The following RABGAP1 variants were observed in gnomAD, a reference collection of about 807,000 sequenced individuals.
RABGAP1 encodes RAB GTPase activating protein 1, also known as rab GTPase-activating protein 1.
A neutral mutation model predicts 137.6 loss-of-function variants in RABGAP1; 23 were observed. That is an observed-to-expected ratio of 0.17 (90% CI 0.12 to 0.24). The LOEUF is 0.24. RABGAP1 is among the 10% of genes least tolerant of loss of function. The probability of loss-of-function intolerance (pLI) is 1.00; values close to 1 mark genes in which losing one functional copy is unlikely to be tolerated. For missense variants in RABGAP1, 906 were observed against 1,275.8 expected, an observed-to-expected ratio of 0.71 and a Z score of 4.42; for synonymous variants, 451 against 450.7, an observed-to-expected ratio of 1.00 and a Z score of -0.01.
chr9:123,101,843 T>C, intron 25 of RABGAP1, 80 bp downstream of exon 25: 1 of 1,404,092 alleles, frequency 7.1e-7, no homozygotes, highest in Non-Finnish European at 9.4e-7. Context: ...ATTATCTTTA[T>C]GGTTTGGGGT....
At chr9:122,940,780 A>C (rs1833495449), upstream of RABGAP1, 1 of 152,740 alleles carries the variant, frequency 6.5e-6, no homozygotes. Context: ...AACTCCAAAT[A>C]CACAAGACAG....
At chr9:123,071,209 A>G (rs2034345135) in intron 15 of RABGAP1, among the ~76,000 whole-genome samples, 1 of 152,134 alleles carries the variant, frequency 6.6e-6, no homozygotes, top group African/African-American at 2.4e-5. Flanking sequence ...CCAATTGTCT[A>G]CTCCATAGAA....
At chr9:123,022,548 A>G (rs1301140132) in intron 13 of RABGAP1, among the ~76,000 whole-genome samples, 1 of 151,978 alleles carries the variant, frequency 6.6e-6, no homozygotes, top group African/African-American at 2.4e-5. Flanking sequence ...GTGGGATTAC[A>G]GGCACCTGCC....
At chr9:122,934,177 A>T in the RABGAP1 span, among the ~76,000 whole-genome samples, 190 of 150,014 alleles carry the variant, frequency 1.3e-3, no homozygotes, top group African/African-American at 4.3e-3. Flanking sequence ...TCCCGGGTTC[A>T]CGCCATTCTC....
At chr9:123,020,569 G>T in intron 13 of RABGAP1, 110 bp downstream of exon 13, 1 of 1,086,448 alleles carries the variant, frequency 9.2e-7, no homozygotes, top group Non-Finnish European at 1.2e-6. Context: ...ATTTATTTAA[G>T]AATAGAACTG....
chr9:123,101,551 A>G lies in RABGAP1; in HGVS notation c.2890-15A>G, dbSNP rs1251500785. ...TCCTCTTCTTTGCCTCTTCACATCT[A>G]ACATTCAATTTCAGCAAAAAGTGGA... On this transcript the variant is annotated splice_polypyrimidine_tract_variant and intron_variant, in intron 24 of 25. Coordinates refer to ENST00000373647, the MANE Select transcript of RABGAP1 (RefSeq NM_012197.4). 2.5e-6 allele frequency: 4 copies of G among 1,611,286 alleles called. No homozygotes were observed. The South Asian group carries it at 3.3e-5, about 13-fold the overall frequency.
intron 13 of RABGAP1, among the ~76,000 whole-genome samples, chr9:123,041,143 G>A (rs1201973528): frequency 6.6e-6 from 1 of 152,128 alleles, no homozygotes; most frequent in Non-Finnish European, 1.5e-5. Flanking sequence ...TGTTTCAGGA[G>A]AATTTTATAA....
chr9:122,978,584 A>C (rs988584996), intron 2 of RABGAP1, among the ~76,000 whole-genome samples: 4 of 152,164 alleles, frequency 2.6e-5, no homozygotes, highest in African/African-American at 9.7e-5. Context: ...GCAGTGAGCT[A>C]TGATCGTGCC....
intron 11 of RABGAP1, among the ~76,000 whole-genome samples, chr9:123,012,715 C>T (rs1239045095): frequency 6.6e-6 from 1 of 152,134 alleles, no homozygotes; most frequent in Non-Finnish European, 1.5e-5. Context: ...TGTTCCCTAG[C>T]GTATACCACA....
At chr9:122,965,790 T>G (rs1835114755) in intron 2 of RABGAP1, among the ~76,000 whole-genome samples, 1 of 152,192 alleles carries the variant, frequency 6.6e-6, no homozygotes, top group African/African-American at 2.4e-5. Flanking sequence ...ATGAATGAAT[T>G]GTGTGGTTTA....
upstream of RABGAP1, among the ~76,000 whole-genome samples, chr9:122,936,839 T>C (rs542094639): frequency 6.6e-6 from 1 of 152,306 alleles, no homozygotes; most frequent in African/African-American, 2.4e-5. Flanking sequence ...CAGGGGAAAG[T>C]AGAAAGCTAC....
At chr9:123,012,722 C>T (rs1023209556) in intron 11 of RABGAP1, among the ~76,000 whole-genome samples, 3 of 152,064 alleles carry the variant, frequency 2.0e-5, no homozygotes, top group African/African-American at 7.2e-5. Flanking sequence ...TAGCGTATAC[C>T]ACAACATCTG....
At chr9:123,025,101 G>A (rs2031877127) in intron 13 of RABGAP1, among the ~76,000 whole-genome samples, 1 of 152,022 alleles carries the variant, frequency 6.6e-6, no homozygotes, top group Non-Finnish European at 1.5e-5. Flanking sequence ...TTTGTATGTG[G>A]CATGAGAAAG....
intron 21 of RABGAP1, 34 bp from the exon 22 acceptor site, chr9:123,097,707 C>A: frequency 1.9e-6 from 3 of 1,564,906 alleles, no homozygotes; most frequent in Admixed American, 1.9e-5. Context: ...GTTCCCAATT[C>A]TTGTTTTGTG....
intron 13 of RABGAP1, among the ~76,000 whole-genome samples, chr9:123,052,373 G>T (rs1169507582): frequency 6.6e-6 from 1 of 152,062 alleles, no homozygotes; most frequent in Non-Finnish European, 1.5e-5. Flanking sequence ...TTATTTTTAG[G>T]TCTGTGAAAG....
chr9:122,957,239 C>A, intron 2 of RABGAP1, 30 bp downstream of exon 2: 1 of 1,468,586 alleles, frequency 6.8e-7, no homozygotes, highest in Non-Finnish European at 9.2e-7. Flanking sequence ...GATTGTTTTG[C>A]TTAGCTTTTC....
chr9:123,007,553 A>ATTTTT (rs34448685), intron 10 of RABGAP1, among the ~76,000 whole-genome samples: 3 of 104,536 alleles, frequency 2.9e-5, no homozygotes, highest in Non-Finnish European at 5.5e-5. Flanking sequence ...AAGTTTTTGT[A>ATTTTT]TTTTTTTTTT....
intron 2 of RABGAP1, among the ~76,000 whole-genome samples, chr9:122,976,795 A>G (rs780309961): frequency 6.6e-6 from 1 of 152,244 alleles, no homozygotes; most frequent in African/African-American, 2.4e-5. Flanking sequence ...TAGAATAAAC[A>G]TATATGCTAA....
intron 2 of RABGAP1, among the ~76,000 whole-genome samples, chr9:122,977,069 T>A (rs1243982625): frequency 6.6e-6 from 1 of 152,190 alleles, no homozygotes; most frequent in Non-Finnish European, 1.5e-5. Flanking sequence ...GATATACTTA[T>A]GAATTTGGGC....
Sources: allele counts gnomAD v4.1 joint callset (sites outside exome capture counted in the v4.1 genomes callset), GRCh38; gene constraint gnomAD v4.1.1; transcripts MANE v1.5; gene names NCBI Gene and HGNC (gene_info 2026-07-23, HGNC 2026-07-21).